The following PTPRD variants were observed in gnomAD, a reference collection of about 807,000 sequenced individuals.
PTPRD encodes the protein protein tyrosine phosphatase receptor type D, also known as receptor-type tyrosine-protein phosphatase delta.
A neutral mutation model predicts 214.5 loss-of-function variants in PTPRD; 34 were observed. The ratio of observed to expected loss-of-function variants is 0.16; its 90% CI spans 0.12 to 0.21. The LOEUF (loss-of-function observed/expected upper bound fraction) is 0.21. Among genes scored for constraint, PTPRD ranks in the 10% least tolerant of loss-of-function variants. PTPRD has a pLI of 1.00. For missense variants in PTPRD, 2,545 were observed against 2,398.7 expected (o/e 1.06, Z -1.27); for synonymous variants, 1,128 against 845.7 (o/e 1.33, Z -5.79).
chr9:9,807,193 G>A (rs1407847425), intron 5 of PTPRD, among the ~76,000 whole-genome samples: 1 of 152,118 alleles, frequency 6.6e-6, no homozygotes, highest in Admixed American at 6.5e-5. Flanking sequence ...GAGGAGGCAA[G>A]AATTGAGTTG....
At chr9:8,970,293 T>C (rs1567312849) in intron 11 of PTPRD, among the ~76,000 whole-genome samples, 1 of 151,890 alleles carries the variant, frequency 6.6e-6, no homozygotes, top group Non-Finnish European at 1.5e-5. Context: ...AGAAACACTA[T>C]GACAGCCCTA....
chr9:9,718,471 C>A (rs528656446), intron 7 of PTPRD, among the ~76,000 whole-genome samples: 2 of 152,124 alleles, frequency 1.3e-5, no homozygotes, highest in Non-Finnish European at 1.5e-5. Context: ...GCCCTGCGCC[C>A]AACTAAATAG....
intron 5 of PTPRD, among the ~76,000 whole-genome samples, chr9:9,887,879 G>A (rs944979986): frequency 2.0e-5 from 3 of 152,058 alleles, no homozygotes; most frequent in African/African-American, 7.2e-5. Flanking sequence ...AAACAAATAA[G>A]ACAAATGTGT....
At chr9:8,326,615 T>G (rs934679126) in intron 44 of PTPRD, among the ~76,000 whole-genome samples, 13 of 151,096 alleles carry the variant, frequency 8.6e-5, no homozygotes, top group Admixed American at 4.6e-4. Flanking sequence ...CCTCTTTTTG[T>G]ATTGTTTGCA....
intron 3 of PTPRD, among the ~76,000 whole-genome samples, chr9:10,241,448 G>A (rs2091028095): frequency 6.6e-6 from 1 of 151,924 alleles, no homozygotes. Context: ...GACAAGAGTA[G>A]ACGGCCTTCA....
At chr9:9,733,751 C>T (rs1321622748) in intron 7 of PTPRD, among the ~76,000 whole-genome samples, 1 of 152,164 alleles carries the variant, frequency 6.6e-6, no homozygotes, top group African/African-American at 2.4e-5. Flanking sequence ...ATCCAGTCTA[C>T]ACACGTATCT....
chr9:10,160,561 A>C (rs765337681), intron 3 of PTPRD, among the ~76,000 whole-genome samples: 50 of 151,988 alleles, frequency 3.3e-4, no homozygotes, highest in Non-Finnish European at 5.7e-4. Flanking sequence ...AAAACTGGAT[A>C]TAGAAAAAAC....
At chr9:9,714,726 G>T (rs1325744999) in intron 7 of PTPRD, among the ~76,000 whole-genome samples, 1 of 152,000 alleles carries the variant, frequency 6.6e-6, no homozygotes, top group African/African-American at 2.4e-5. Flanking sequence ...TGAGTTCTCT[G>T]CTGATGGTGG....
At chr9:8,569,786 T>C (rs1028128746) in intron 14 of PTPRD, among the ~76,000 whole-genome samples, 14 of 130,822 alleles carry the variant, frequency 1.1e-4, no homozygotes, top group Admixed American at 5.5e-4. Context: ...TTAAGGAAGA[T>C]ATAAATTGGA....
At chr9:8,442,594 C>T (rs12004152) in intron 34 of PTPRD, among the ~76,000 whole-genome samples, 4,563 of 152,176 alleles carry the variant, frequency 0.03, 244 homozygotes, top group African/African-American at 0.1. Flanking sequence ...AAATCAATTA[C>T]CACAGTCTTA....
chr9:9,327,049 G>T (rs931444188), intron 9 of PTPRD, among the ~76,000 whole-genome samples: 3 of 152,124 alleles, frequency 2.0e-5, no homozygotes, highest in African/African-American at 7.2e-5. Flanking sequence ...TACTAAAGAG[G>T]TCAATTGATT....
At chr9:8,331,524 A>G (rs1214631258) in intron 44 of PTPRD, 58 bp downstream of exon 44, 5 of 1,580,142 alleles carry the variant, frequency 3.2e-6, no homozygotes, top group Non-Finnish European at 4.3e-6. Context: ...AAAAGTGTAT[A>G]CAGACAATGA....
chr9:9,056,005 T>C (rs1054207089), intron 10 of PTPRD, among the ~76,000 whole-genome samples: 1 of 152,082 alleles, frequency 6.6e-6, no homozygotes, highest in Non-Finnish European at 1.5e-5. Context: ...TGAACAGTTT[T>C]GGTTCATAAT....
At chr9:8,716,392 T>C (rs1056889235) in intron 12 of PTPRD, among the ~76,000 whole-genome samples, 1 of 152,246 alleles carries the variant, frequency 6.6e-6, no homozygotes, top group African/African-American at 2.4e-5. Context: ...TACTAGGTAA[T>C]AGAATCCATT....
At chr9:8,347,981 T>C (rs963368416) in intron 39 of PTPRD, among the ~76,000 whole-genome samples, 1 of 152,132 alleles carries the variant, frequency 6.6e-6, no homozygotes, top group Non-Finnish European at 1.5e-5. Flanking sequence ...ACTAACGCAA[T>C]ACCTAAAGGT....
chr9:8,450,202 T>C (rs1447226586), intron 33 of PTPRD, among the ~76,000 whole-genome samples: 1 of 152,176 alleles, frequency 6.6e-6, no homozygotes, highest in Admixed American at 6.5e-5. Flanking sequence ...TACCCCTAAG[T>C]TGCCAATACT....
chr9:9,537,098 G>A (rs1460722582), intron 8 of PTPRD, among the ~76,000 whole-genome samples: 3 of 151,808 alleles, frequency 2.0e-5, no homozygotes, highest in African/African-American at 7.3e-5. Flanking sequence ...CAGCATATAA[G>A]GCAGTAAAGG....
intron 9 of PTPRD, among the ~76,000 whole-genome samples, chr9:9,268,894 C>A (rs1220995043): frequency 2.7e-5 from 4 of 149,636 alleles, no homozygotes; most frequent in Non-Finnish European, 4.5e-5. Flanking sequence ...ATACCTAAAG[C>A]CATAGAATTC....
intron 8 of PTPRD, among the ~76,000 whole-genome samples, chr9:9,568,691 C>G (rs1234637347): frequency 6.6e-6 from 1 of 151,784 alleles, no homozygotes; most frequent in Non-Finnish European, 1.5e-5. Context: ...ATGCTATGTC[C>G]CTTCATCTAC....
Sources: gnomAD v4.1 joint callset for allele counts (sites outside exome capture counted in the v4.1 genomes callset) on GRCh38, gnomAD v4.1.1 for gene constraint, MANE v1.5 for transcripts, NCBI Gene and HGNC (gene_info 2026-07-23, HGNC 2026-07-21) for gene names.